Variants in ACSS1 observed in about 807,000 individuals in gnomAD.
ACSS1 encodes acetyl-coenzyme A synthetase 2-like, mitochondrial.
ACSS1 carries 42 observed loss-of-function variants against 75.3 expected under a neutral mutation model. The ratio of observed to expected loss-of-function variants is 0.56; its 90% confidence interval spans 0.44 to 0.72. ACSS1 has a LOEUF of 0.72. Ranked by LOEUF, ACSS1 falls within the 30% of genes least tolerant of loss-of-function variation. The pLI is 0.00. For synonymous variants in ACSS1, 380 were observed against 376.8 expected, an observed-to-expected ratio of 1.01 and a Z score of -0.10; for missense variants, 782 against 935.7, an observed-to-expected ratio of 0.84 and a Z score of 2.14.
At chr20:25,051,119 C>T (rs2089169005) in intron 1 of ACSS1, among the ~76,000 whole-genome samples, 1 of 152,230 alleles carries the variant, frequency 6.6e-6, no homozygotes, top group Non-Finnish European at 1.5e-5. Flanking sequence ...TTCTCCCTGC[C>T]TGGGGCACTG....
At position 25,006,539 on chromosome 20, in the gene ACSS1, G is replaced by A. The variant is rs895948322; in HGVS notation, c.*1223C>T. 9.9e-6 allele frequency: 3 copies of A among 302,412 alleles called. No homozygotes were observed. Among genetic ancestry groups the A allele is most frequent in the Admixed American group, 4.4e-5 (1 of 22,706 alleles). The allele number at this position is 302,412 out of a possible 1,614,324, so 18.7% of individuals were successfully genotyped here. On this transcript the variant is annotated 3_prime_UTR_variant, in exon 14 of 14. Coordinates refer to ENST00000323482, the MANE Select transcript of ACSS1 (RefSeq NM_032501.4). Reference sequence around the variant, plus strand: ...GTACTCAGTGGCCCAGACACCCCCCGAACACTGGCACTGCCACAAGGCCCT... The same window carrying A: ...GTACTCAGTGGCCCAGACACCCCCCAAACACTGGCACTGCCACAAGGCCCT...
At position 25,048,088 on chromosome 20, in the gene ACSS1, T is replaced by C; in HGVS notation, c.428A>G (p.Tyr143Cys). 1.9e-6 allele frequency: 3 copies of C among 1,613,438 alleles called. No homozygotes were observed. Among genetic ancestry groups the C allele is most frequent in the South Asian group, 1.1e-5 (1 of 91,008 alleles). The change falls in exon 2 of 14, where the codon TAC becomes TGC. Residue 143 changes from tyrosine to cysteine, a missense_variant. By Grantham distance (194) the Tyr-to-Cys change is radical. Coordinates refer to ENST00000323482, the MANE Select transcript of ACSS1 (RefSeq NM_032501.4). Reference protein sequence around the residue: ...DEPGTEVRITYRELLETTCRL... With the variant: ...DEPGTEVRITCRELLETTCRL... ...TGAACATTCGAGGGCACAGTACCTG[T>C]AGGTGATCCTCACTTCCGTTCCAGG...
At chr20:25,016,964 G>A (rs577682219) in intron 7 of ACSS1, among the ~76,000 whole-genome samples, 3 of 152,172 alleles carry the variant, frequency 2.0e-5, no homozygotes, top group Admixed American at 6.5e-5. Context: ...AGCAGAGGTC[G>A]AGGAAAACTT....
intron 12 of ACSS1, chr20:25,010,129 T>C (rs1258601213): frequency 1.3e-5 from 2 of 152,594 alleles, no homozygotes; most frequent in African/African-American, 2.4e-5. Flanking sequence ...AGCCTGCCCG[T>C]CCCCACTGGC....
chr20:25,057,967 G>A lies in ACSS1; in HGVS notation c.136C>T (p.Pro46Ser), dbSNP rs778094981. The A allele has an allele frequency of 2.5e-6, 4 of 1,582,980 alleles. No individual in the cohort carries two copies. Among genetic ancestry groups the A allele is most frequent in the Non-Finnish European group, 2.6e-6 (3 of 1,166,026 alleles). Reference protein sequence around the residue: ...RAASGPSGSAPAVAAAAAQPG... With the variant: ...RAASGPSGSASAVAAAAAQPG... The stretch of plus-strand genomic sequence containing the variant: ...TGTGCTGCTGCTGCTGCAACTGCGG[G>A]AGCGCTGCCCGAGGGTCCCGAGGCC... The change falls in exon 1 of 14, where the codon CCC becomes TCC. Residue 46 changes from proline (P) to serine (S), a missense_variant. Coordinates refer to ENST00000323482, the MANE Select transcript of ACSS1 (RefSeq NM_032501.4).
intron 9 of ACSS1, 149 bp downstream of exon 9, chr20:25,013,812 A>C: frequency 7.6e-7 from 1 of 1,322,784 alleles, no homozygotes; most frequent in Non-Finnish European, 1.0e-6. Context: ...GCCACTACCC[A>C]GTGCATGATA....
In ACSS1 at chr20:25,007,257, C is replaced by G. The variant is rs949233545; in HGVS notation, c.*505G>C. On this transcript the variant is annotated 3_prime_UTR_variant, in exon 14 of 14. Transcript: ENST00000323482. ...GAGGCAAAAAAGGAGATTTTCATAA[C>G]TACATGTTAAAAAGAACATGTTCAA... 1 of 1,138,170 alleles carries G rather than the reference C, an allele frequency of 8.8e-7. No homozygotes were observed. The highest frequency in any genetic ancestry group is 1.1e-6 in the Non-Finnish European group (1 of 925,556). 70.5% of individuals were successfully genotyped at this position (1,138,170 alleles called of 1,614,324 possible). A position where few individuals can be genotyped will look rare whatever the true frequency, so the allele number is the denominator to read the frequency against.
At chr20:25,034,295 C>T (rs2088874318) in intron 2 of ACSS1, among the ~76,000 whole-genome samples, 1 of 152,212 alleles carries the variant, frequency 6.6e-6, no homozygotes, top group Non-Finnish European at 1.5e-5. Flanking sequence ...CCAAGATTTG[C>T]AGCTCTTCAA....
chr20:25,051,247 C>T (rs1019489573), intron 1 of ACSS1, among the ~76,000 whole-genome samples: 1 of 152,226 alleles, frequency 6.6e-6, no homozygotes, highest in African/African-American at 2.4e-5. Flanking sequence ...GCCTGCTGCG[C>T]TCCCTAGGGC....
intron 4 of ACSS1, 92 bp downstream of exon 4, chr20:25,023,374 G>A (rs1427715248): frequency 6.7e-7 from 1 of 1,502,036 alleles, no homozygotes; most frequent in African/African-American, 1.4e-5. Context: ...CACCTCTAGG[G>A]AACCCAAATT....
chr20:25,035,211 A>G (rs2088890400), intron 2 of ACSS1, among the ~76,000 whole-genome samples: 1 of 151,972 alleles, frequency 6.6e-6, no homozygotes, highest in African/African-American at 2.4e-5. Context: ...ATGCATTTTT[A>G]AAATACCTGA....
intron 2 of ACSS1, among the ~76,000 whole-genome samples, chr20:25,037,097 C>T (rs1028791187): frequency 3.9e-5 from 6 of 152,154 alleles, no homozygotes; most frequent in African/African-American, 1.4e-4. Flanking sequence ...ATTATTCTGG[C>T]AGTCAGTATT....
At chr20:25,026,529 C>T (rs1213886375) in intron 3 of ACSS1, among the ~76,000 whole-genome samples, 1 of 152,212 alleles carries the variant, frequency 6.6e-6, no homozygotes, top group Admixed American at 6.5e-5. Context: ...GCCCACCAGT[C>T]CCCAACCCTT....
rs940267239 is a variant in ACSS1 at position 25,012,945 on chromosome 20, C to A, written c.1580-6G>T. 3.7e-6 allele frequency: 6 copies of A among 1,614,032 alleles called. No individual in the cohort carries two copies. Among genetic ancestry groups the A allele is most frequent in the East Asian group, 2.2e-5 (1 of 44,886 alleles). ...GTCTCCAGTGAAGTAATAGCCTGCA[C>A]CACAGCAGGGAAATTCAGCACCAGG... is the stretch of plus-strand genomic sequence containing the variant. On this transcript the variant is annotated splice_polypyrimidine_tract_variant and splice_region_variant and intron_variant, in intron 10 of 13. Coordinates refer to ENST00000323482, the MANE Select transcript of ACSS1 (RefSeq NM_032501.4).
intron 2 of ACSS1, among the ~76,000 whole-genome samples, chr20:25,031,954 G>A (rs989211847): frequency 1.1e-4 from 16 of 152,202 alleles, no homozygotes; most frequent in Admixed American, 7.9e-4. Flanking sequence ...CAGATAGGGC[G>A]GACTCCAGCT....
At chr20:25,020,657 G>A (rs2088607838) in intron 6 of ACSS1, among the ~76,000 whole-genome samples, 1 of 152,240 alleles carries the variant, frequency 6.6e-6, no homozygotes, top group Non-Finnish European at 1.5e-5. Flanking sequence ...TCTAAGGGCT[G>A]AAGTGGTGGC....
rs1164547051 is a variant in ACSS1 at position 25,013,620 on chromosome 20, T to C, written c.1495A>G (p.Ile499Val). 4 of 1,607,874 alleles carry C rather than the reference T, an allele frequency of 2.5e-6. No homozygotes were observed. Among genetic ancestry groups the C allele is most frequent in the Non-Finnish European group, 3.4e-6 (4 of 1,177,194 alleles). ...GCCATGCCCGGCCAGGCCTGGGAGA[T>C]GCACAGGGCCCCGGAGACGTTGCTG... ...EGSNVSGALC[I>V]SQAWPGMART... is the part of the protein sequence containing the mutation. The change falls in exon 10 of 14, where the codon ATC becomes GTC. Residue 499 changes from isoleucine (I) to valine (V), a missense_variant. Physicochemically the swap from Ile to Val is conservative, Grantham distance 29. Around this residue, in one of 2 missense-constraint regions of ACSS1, gnomAD observed 405 missense variants for 552.6 expected, o/e 0.73. Transcript: ENST00000323482.
At chr20:25,056,900 C>A (rs568818591) in intron 1 of ACSS1, among the ~76,000 whole-genome samples, 79 of 152,304 alleles carry the variant, frequency 5.2e-4, no homozygotes, top group African/African-American at 1.8e-3. Context: ...TGGCACCCAC[C>A]CTGCGTGGCC....
chr20:25,039,374 A>G (rs1351986344), intron 2 of ACSS1, among the ~76,000 whole-genome samples: 3 of 152,244 alleles, frequency 2.0e-5, no homozygotes, highest in Non-Finnish European at 4.4e-5. Context: ...TGCCAATGCT[A>G]TAATTATTCA....
Sources: gnomAD v4.1 joint callset for allele counts (sites outside exome capture counted in the v4.1 genomes callset) on GRCh38, gnomAD v4.1.1 for gene constraint, gnomAD v4.1.1 regional missense constraint, MANE v1.5 for transcripts, NCBI Gene and HGNC (gene_info 2026-07-23, HGNC 2026-07-21) for gene names.